VPS45: variants seen among roughly 807,000 people sequenced by gnomAD.
The protein encoded by VPS45 is vacuolar protein sorting-associated protein 45.
In VPS45, 35 loss-of-function variants were observed where a neutral mutation model predicts 75.9. That is an observed-to-expected ratio of 0.46 (90% CI 0.35 to 0.61). The LOEUF (loss-of-function observed/expected upper bound fraction) is 0.61, where lower values mean the gene tolerates loss of function less well. Among genes scored for constraint, VPS45 ranks in the 20% least tolerant of loss-of-function variants. The pLI is 0.00. For synonymous variants in VPS45, 220 were observed against 238.2 expected (o/e 0.92, Z 0.70); for missense variants, 559 against 685.9 (o/e 0.81, Z 2.07).
At chr1:150,107,521 C>A (rs1438164937) in intron 13 of VPS45, among the ~76,000 whole-genome samples, 10 of 152,214 alleles carry the variant, frequency 6.6e-5, no homozygotes, top group African/African-American at 2.2e-4. Context: ...TCCCAGAAGT[C>A]TTACACTAGC....
intron 13 of VPS45, 106 bp from the exon 14 acceptor site, chr1:150,110,390 T>G: frequency 9.7e-7 from 1 of 1,033,430 alleles, no homozygotes; most frequent in Non-Finnish European, 1.3e-6. Context: ...TTAATTCTGC[T>G]TCCTCCACCA....
chr1:150,123,922 T>C (rs985731408), intron 14 of VPS45, among the ~76,000 whole-genome samples: 4 of 152,194 alleles, frequency 2.6e-5, no homozygotes, highest in African/African-American at 9.6e-5. Flanking sequence ...TGCTAGAAGA[T>C]GGCATGAGAG....
Position 150,097,134 on chromosome 1 carries a change from C to G in VPS45, c.1493+3486C>G, listed in dbSNP as rs1377142179. 2.7e-5 allele frequency among the ~76,000 whole-genome samples: 4 copies of G among 146,296 alleles called. No homozygotes were observed. In the East Asian group the frequency reaches 8.2e-4, roughly 30 times the overall value. ...ACAGAGTCTTGCTCTGTCACCCAGG[C>G]TGGAGTGCAGTGGTGCCATCTCGGC... On this transcript the variant is annotated intron_variant, in intron 13 of 14. Coordinates refer to ENST00000644510, the MANE Select transcript of VPS45 (RefSeq NM_007259.5).
rs782391854 is a variant in VPS45, at chr1:150,076,949, C to T, written c.403C>T (p.His135Tyr). The T allele has an allele frequency of 3.7e-6, 6 of 1,613,988 alleles. No individual in the cohort carries two copies. In the African/African-American group the frequency reaches 4.0e-5, roughly 11 times the overall value. The change falls in exon 5 of 15, where the codon CAT becomes TAT. Residue 135 changes from histidine (H) to tyrosine (Y), a missense_variant. Coordinates refer to ENST00000644510, the MANE Select transcript of VPS45 (RefSeq NM_007259.5). ...FYGDYIAVNP[H>Y]LFSLNILGCC... ...TGGTGATTACATTGCTGTGAACCCA[C>T]ATTTGTTTTCCCTCAATATTTTGGG...
intron 13 of VPS45, among the ~76,000 whole-genome samples, chr1:150,097,341 G>A (rs1656720907): frequency 1.3e-5 from 2 of 151,506 alleles, no homozygotes; most frequent in African/African-American, 4.8e-5. Flanking sequence ...GCCTCACCTC[G>A]TGATCCGCCC....
chr1:150,079,033 C>A (rs1482540744), intron 7 of VPS45, among the ~76,000 whole-genome samples: 1 of 149,672 alleles, frequency 6.7e-6, no homozygotes, highest in East Asian at 2.0e-4. Flanking sequence ...ATCACTTGAA[C>A]CTGGGAGGCA....
chr1:150,076,208 G>C, intron 3 of VPS45, 25 bp from the exon 4 acceptor site: 1 of 1,586,680 alleles, frequency 6.3e-7, no homozygotes. Context: ...TCTCCTTTGA[G>C]TCAACCCCAA....
At chr1:150,093,444 G>A in intron 12 of VPS45, 83 bp from the exon 13 acceptor site, 2 of 1,496,936 alleles carry the variant, frequency 1.3e-6, no homozygotes, top group Admixed American at 2.0e-5. Flanking sequence ...TTGAGTGTAT[G>A]TCCTTTTCTG....
At chr1:150,071,462 A>G (rs936494973) in intron 2 of VPS45, among the ~76,000 whole-genome samples, 4 of 152,184 alleles carry the variant, frequency 2.6e-5, no homozygotes, top group South Asian at 2.1e-4. Flanking sequence ...TTAATTTTTA[A>G]AGGAATAGAC....
At chr1:150,116,315 A>G (rs1172591477) in intron 14 of VPS45, among the ~76,000 whole-genome samples, 1 of 152,134 alleles carries the variant, frequency 6.6e-6, no homozygotes, top group East Asian at 1.9e-4. Flanking sequence ...TATTAGAGCT[A>G]TTTTTTCAAG....
intron 2 of VPS45, among the ~76,000 whole-genome samples, chr1:150,070,335 A>C (rs189730097): frequency 1.9e-4 from 29 of 152,126 alleles, no homozygotes; most frequent in Non-Finnish European, 3.7e-4. Context: ...TAATGAACAC[A>C]TGCTGTGTTA....
At chr1:150,085,690 T>G (rs781915183) in intron 10 of VPS45, among the ~76,000 whole-genome samples, 1 of 152,104 alleles carries the variant, frequency 6.6e-6, no homozygotes, top group Non-Finnish European at 1.5e-5. Context: ...GAAATGAGGT[T>G]TGTGAGTAGA....
chr1:150,070,083 C>T (rs1308166718), intron 2 of VPS45, among the ~76,000 whole-genome samples: 2 of 152,146 alleles, frequency 1.3e-5, no homozygotes, highest in African/African-American at 4.8e-5. Flanking sequence ...TCTTCCTCTG[C>T]CTGGAACTTA....
At chr1:150,135,204 T>C (rs1659011634) in intron 14 of VPS45, among the ~76,000 whole-genome samples, 2 of 152,188 alleles carry the variant, frequency 1.3e-5, no homozygotes, top group African/African-American at 4.8e-5. Context: ...TGTGTCAAAA[T>C]TTAAAAGGTC....
At chr1:150,077,053 A>C in intron 5 of VPS45, 41 bp from the exon 6 acceptor site, 1 of 1,613,320 alleles carries the variant, frequency 6.2e-7, no homozygotes, top group Non-Finnish European at 8.5e-7. Context: ...TGTAAGAGAA[A>C]ATTCAAATAT....
At chr1:150,121,889 T>C (rs1008920797) in intron 14 of VPS45, among the ~76,000 whole-genome samples, 1 of 152,148 alleles carries the variant, frequency 6.6e-6, no homozygotes, top group South Asian at 2.1e-4. Flanking sequence ...AGGTATATTT[T>C]ATAGTAAATC....
intron 10 of VPS45, among the ~76,000 whole-genome samples, chr1:150,087,003 A>C (rs1231368695): frequency 6.6e-6 from 1 of 151,788 alleles, no homozygotes; most frequent in Non-Finnish European, 1.5e-5. Context: ...CTTTATTACC[A>C]AGACCAACTG....
chr1:150,102,897 A>T (rs1657118116), intron 13 of VPS45, among the ~76,000 whole-genome samples: 1 of 152,198 alleles, frequency 6.6e-6, no homozygotes, highest in African/African-American at 2.4e-5. Context: ...GGAGAGGAAC[A>T]GAAAAGATAA....
At chr1:150,088,771 G>T (rs944545001) in intron 10 of VPS45, among the ~76,000 whole-genome samples, 5 of 151,986 alleles carry the variant, frequency 3.3e-5, no homozygotes, top group Admixed American at 6.6e-5. Context: ...GAGCCACCGT[G>T]CCCGACCTAA....
Sources: allele counts gnomAD v4.1 joint callset (sites outside exome capture counted in the v4.1 genomes callset), GRCh38; gene constraint gnomAD v4.1.1; transcripts MANE v1.5; gene names NCBI Gene and HGNC (gene_info 2026-07-23, HGNC 2026-07-21).